ALCAM: variants seen among roughly 807,000 people sequenced by gnomAD.
ALCAM encodes the protein CD166 antigen.
In ALCAM, 30 loss-of-function variants were observed where a neutral mutation model predicts 70.9. The observed-to-expected ratio is 0.42, with a 90% CI of 0.32 to 0.57. The LOEUF is 0.57. Ranked by LOEUF, ALCAM falls within the 20% of genes least tolerant of loss-of-function variation. ALCAM has a pLI of 0.11. For synonymous variants in ALCAM, 249 were observed against 242.5 expected, an observed-to-expected ratio of 1.03 and a Z score of -0.25; for missense variants, 591 against 695.1, an observed-to-expected ratio of 0.85 and a Z score of 1.68.
intron 1 of ALCAM, among the ~76,000 whole-genome samples, chr3:105,489,158 A>C (rs956240875): frequency 6.6e-6 from 1 of 152,196 alleles, no homozygotes; most frequent in African/African-American, 2.4e-5. Flanking sequence ...TCATCCCTGA[A>C]GAGTTTTCTG....
At chr3:105,552,065 T>A in intron 12 of ALCAM, 79 bp from the exon 13 acceptor site, 1 of 1,001,600 alleles carries the variant, frequency 1.0e-6, no homozygotes, top group Non-Finnish European at 1.5e-6. Context: ...TATTATTACA[T>A]CATACTATAA....
intron 15 of ALCAM, among the ~76,000 whole-genome samples, chr3:105,572,663 C>A (rs1940882910): frequency 6.6e-6 from 1 of 152,142 alleles, no homozygotes. Flanking sequence ...CACCACACTG[C>A]CTTCCACAAT....
At chr3:105,550,894 C>G (rs1400646992) in intron 12 of ALCAM, among the ~76,000 whole-genome samples, 1 of 151,632 alleles carries the variant, frequency 6.6e-6, no homozygotes. Context: ...TACATACCAA[C>G]AACAGCTTCT....
chr3:105,427,776 C>T (rs2107430289), intron 1 of ALCAM, among the ~76,000 whole-genome samples: 2 of 151,968 alleles, frequency 1.3e-5, no homozygotes, highest in East Asian at 3.9e-4. Flanking sequence ...ACCTAACTCA[C>T]CTGTGCTTTT....
At chr3:105,511,552 C>A (rs1939237081) in intron 1 of ALCAM, among the ~76,000 whole-genome samples, 1 of 151,974 alleles carries the variant, frequency 6.6e-6, no homozygotes, top group Admixed American at 6.6e-5. Flanking sequence ...ATTGCAACCC[C>A]TCCAGGGAGC....
At chr3:105,529,471 G>A (rs1939786013) in intron 3 of ALCAM, among the ~76,000 whole-genome samples, 1 of 152,060 alleles carries the variant, frequency 6.6e-6, no homozygotes, top group Non-Finnish European at 1.5e-5. Flanking sequence ...CTCATCAATT[G>A]TCACAACCTA....
intron 1 of ALCAM, among the ~76,000 whole-genome samples, chr3:105,397,934 G>A (rs540751641): frequency 2.6e-5 from 4 of 151,904 alleles, no homozygotes; most frequent in East Asian, 1.9e-4. Context: ...GACTACCATG[G>A]GTTAGCTACT....
intron 1 of ALCAM, among the ~76,000 whole-genome samples, chr3:105,489,096 T>C (rs1175835292): frequency 6.6e-6 from 1 of 152,090 alleles, no homozygotes; most frequent in African/African-American, 2.4e-5. Flanking sequence ...AAGGGAAAAG[T>C]TGAGATCCAA....
At chr3:105,528,747 G>A (rs1939769038) in intron 3 of ALCAM, among the ~76,000 whole-genome samples, 1 of 152,164 alleles carries the variant, frequency 6.6e-6, no homozygotes. Context: ...AGGGTAGGAA[G>A]AGGGAGAGAA....
chr3:105,478,318 A>G (rs773376625), intron 1 of ALCAM, among the ~76,000 whole-genome samples: 1 of 152,112 alleles, frequency 6.6e-6, no homozygotes, highest in Non-Finnish European at 1.5e-5. Context: ...GAGTCTGTTC[A>G]TGCATATATG....
intron 1 of ALCAM, among the ~76,000 whole-genome samples, chr3:105,405,132 C>T (rs941867464): frequency 1.3e-5 from 2 of 151,872 alleles, no homozygotes; most frequent in Non-Finnish European, 2.9e-5. Flanking sequence ...ACAAAATTAG[C>T]TGGGCGTGGT....
At chr3:105,406,260 A>G (rs1936227323) in intron 1 of ALCAM, among the ~76,000 whole-genome samples, 2 of 152,176 alleles carry the variant, frequency 1.3e-5, no homozygotes, top group South Asian at 2.1e-4. Context: ...CAGACCCCCA[A>G]TAAACTTGTT....
chr3:105,487,893 T>C (rs1938475351), intron 1 of ALCAM, among the ~76,000 whole-genome samples: 1 of 152,150 alleles, frequency 6.6e-6, no homozygotes, highest in Non-Finnish European at 1.5e-5. Context: ...TGAGAGTTCC[T>C]AGATTGAGCT....
At chr3:105,506,005 T>C (rs901263848) in intron 1 of ALCAM, among the ~76,000 whole-genome samples, 1 of 152,212 alleles carries the variant, frequency 6.6e-6, no homozygotes, top group Non-Finnish European at 1.5e-5. Context: ...ATTGATCTTA[T>C]GTGTTTACCT....
chr3:105,405,588 A>T (rs1009280535), intron 1 of ALCAM, among the ~76,000 whole-genome samples: 7 of 152,144 alleles, frequency 4.6e-5, no homozygotes, highest in Admixed American at 1.3e-4. Flanking sequence ...CTACCCAACA[A>T]CTGCAGAATA....
At chr3:105,415,983 G>A (rs192111322) in intron 1 of ALCAM, among the ~76,000 whole-genome samples, 15 of 152,094 alleles carry the variant, frequency 9.9e-5, no homozygotes, top group Admixed American at 2.0e-4. Context: ...TATGACATGC[G>A]CAATTTATTT....
chr3:105,555,575 C>T (rs1221285068), intron 14 of ALCAM, among the ~76,000 whole-genome samples: 1 of 151,952 alleles, frequency 6.6e-6, no homozygotes, highest in Non-Finnish European at 1.5e-5. Context: ...ATTTTAGCAA[C>T]ATTTAGCTAA....
chr3:105,462,432 T>C (rs1234694419), intron 1 of ALCAM, among the ~76,000 whole-genome samples: 2 of 151,522 alleles, frequency 1.3e-5, no homozygotes, highest in Admixed American at 1.3e-4. Flanking sequence ...AGAAATAATA[T>C]ACATGTATAA....
At chr3:105,547,592 C>T in intron 11 of ALCAM, 69 bp downstream of exon 11, 2 of 1,549,438 alleles carry the variant, frequency 1.3e-6, no homozygotes, top group Non-Finnish European at 1.7e-6. Context: ...ACGAACCTAC[C>T]CTATAGGTTG....
Sources: allele counts gnomAD v4.1 joint callset (sites outside exome capture counted in the v4.1 genomes callset), GRCh38; gene constraint gnomAD v4.1.1; transcripts MANE v1.5; gene names NCBI Gene and HGNC (gene_info 2026-07-23, HGNC 2026-07-21).